STAU1: variants seen among roughly 807,000 people sequenced by gnomAD.
STAU1 encodes double-stranded RNA-binding protein Staufen homolog 1.
In STAU1, 13 loss-of-function variants were observed where a neutral mutation model predicts 62.9. The observed-to-expected ratio is 0.21, with a 90% CI of 0.13 to 0.33. The LOEUF (loss-of-function observed/expected upper bound fraction) is 0.33, where lower values mean the gene tolerates loss of function less well. Ranked by LOEUF, STAU1 falls within the 10% of genes least tolerant of loss-of-function variation. The pLI, the probability that STAU1 is intolerant of heterozygous loss-of-function variation, is 1.00. For missense variants in STAU1, 571 were observed against 712.1 expected (o/e 0.80, Z 2.25); for synonymous variants, 269 against 265.1 (o/e 1.01, Z -0.14).
intron 2 of STAU1, among the ~76,000 whole-genome samples, chr20:49,167,446 G>C (rs2093541365): frequency 6.6e-6 from 1 of 152,176 alleles, no homozygotes. Context: ...CTCTCTTACT[G>C]AGAGCAAAAA....
the STAU1 span, among the ~76,000 whole-genome samples, chr20:49,200,320 C>T: frequency 1.3e-5 from 2 of 152,140 alleles, no homozygotes; most frequent in Non-Finnish European, 2.9e-5. Context: ...CAGGAGCGGC[C>T]AGGTGCGGTG....
At chr20:49,119,812 G>A (rs1255727525) in intron 9 of STAU1, among the ~76,000 whole-genome samples, 170 bp downstream of exon 9, 2 of 152,080 alleles carry the variant, frequency 1.3e-5, no homozygotes, top group African/African-American at 4.8e-5. Context: ...GTGGACATGC[G>A]AGGCCCCTCT....
intron 5 of STAU1, among the ~76,000 whole-genome samples, chr20:49,139,953 A>G (rs947316509): frequency 6.6e-6 from 1 of 152,014 alleles, no homozygotes; most frequent in African/African-American, 2.4e-5. Context: ...TGGGAGGCCG[A>G]GGCAGGCGGA....
chr20:49,185,954 G>T (rs371971753), intron 1 of STAU1, among the ~76,000 whole-genome samples: 2 of 151,820 alleles, frequency 1.3e-5, no homozygotes, highest in African/African-American at 4.8e-5. Flanking sequence ...CGATTCTCCT[G>T]TCTCAGCCTC....
the STAU1 span, among the ~76,000 whole-genome samples, chr20:49,206,414 GTTTTTTTTTT>G: frequency 2.6e-5 from 2 of 76,598 alleles, no homozygotes; most frequent in Non-Finnish European, 4.7e-5. Context: ...CTTCCTTCTG[GTTTTTTTTTT>G]TTTTTTTTTT....
chr20:49,179,064 G>C (rs1343527139), intron 1 of STAU1: 1 of 143,460 alleles, frequency 7.0e-6, no homozygotes, highest in Admixed American at 7.0e-5. Context: ...CTGGGCGATA[G>C]AGCAAGACTC....
At chr20:49,128,817 A>G (rs1446269571) in intron 6 of STAU1, among the ~76,000 whole-genome samples, 1 of 151,450 alleles carries the variant, frequency 6.6e-6, no homozygotes, top group African/African-American at 2.4e-5. Context: ...CTTATGTCAC[A>G]GTATATATGA....
At chr20:49,157,377 T>C (rs2093376756) in intron 3 of STAU1, among the ~76,000 whole-genome samples, 1 of 152,000 alleles carries the variant, frequency 6.6e-6, no homozygotes, top group African/African-American at 2.4e-5. Flanking sequence ...GGAGCTCAAA[T>C]GGCACAATCA....
At chr20:49,197,627 C>A in the STAU1 span, among the ~76,000 whole-genome samples, 1 of 151,976 alleles carries the variant, frequency 6.6e-6, no homozygotes, top group East Asian at 1.9e-4. Context: ...GTCTCGAACT[C>A]CCGACCTCAC....
intron 6 of STAU1, among the ~76,000 whole-genome samples, chr20:49,130,591 T>TA (rs541566894): frequency 6.6e-6 from 1 of 151,952 alleles, no homozygotes; most frequent in Non-Finnish European, 1.5e-5. Context: ...ACTTTGGGTT[T>TA]AAAAAAAAGC....
chr20:49,154,734 C>T (rs1253896940), intron 3 of STAU1, among the ~76,000 whole-genome samples: 1 of 151,898 alleles, frequency 6.6e-6, no homozygotes, highest in African/African-American at 2.4e-5. Flanking sequence ...GGCATGGTGG[C>T]GGGTGCCTGC....
At chr20:49,151,418 G>A (rs2093246668) in intron 5 of STAU1, among the ~76,000 whole-genome samples, 164 bp downstream of exon 5, 1 of 152,186 alleles carries the variant, frequency 6.6e-6, no homozygotes, top group Non-Finnish European at 1.5e-5. Context: ...GAAAAAAGGA[G>A]TAAAAAGCAA....
chr20:49,197,080 G>T, the STAU1 span, among the ~76,000 whole-genome samples: 12 of 151,898 alleles, frequency 7.9e-5, 1 homozygote, highest in Middle Eastern at 6.8e-3. Flanking sequence ...GCTTGAACGC[G>T]GGAGGTGGAG....
intron 1 of STAU1, among the ~76,000 whole-genome samples, chr20:49,184,359 T>C (rs1291556799): frequency 6.6e-6 from 1 of 151,964 alleles, no homozygotes; most frequent in African/African-American, 2.4e-5. Context: ...CAGCTTAGGG[T>C]GCAAGGCCGG....
intron 6 of STAU1, among the ~76,000 whole-genome samples, chr20:49,131,398 T>C (rs2092745693): frequency 6.6e-6 from 1 of 152,212 alleles, no homozygotes. Context: ...AAATTTCCTC[T>C]ACTTAATAGA....
At chr20:49,148,412 C>A (rs1284725450) in intron 5 of STAU1, among the ~76,000 whole-genome samples, 2 of 152,168 alleles carry the variant, frequency 1.3e-5, no homozygotes, top group African/African-American at 4.8e-5. Flanking sequence ...CCCAAGATAT[C>A]CCATTACGTA....
intron 12 of STAU1, among the ~76,000 whole-genome samples, chr20:49,116,227 T>C (rs2092320767): frequency 6.6e-6 from 1 of 152,142 alleles, no homozygotes; most frequent in Non-Finnish European, 1.5e-5. Context: ...CTCAAACTCC[T>C]AGGCTCAAGC....
chr20:49,127,151 G>A (rs747905896), intron 6 of STAU1, among the ~76,000 whole-genome samples: 1 of 151,790 alleles, frequency 6.6e-6, no homozygotes, highest in Non-Finnish European at 1.5e-5. Context: ...TCAGGAGTTC[G>A]AGATCAGCCT....
intron 5 of STAU1, among the ~76,000 whole-genome samples, chr20:49,144,354 C>T (rs1056200993): frequency 6.6e-6 from 1 of 151,914 alleles, no homozygotes; most frequent in African/African-American, 2.4e-5. Flanking sequence ...ATGATGAAGT[C>T]CTTTCTGTTG....
Sources: gnomAD v4.1 joint callset for allele counts (sites outside exome capture counted in the v4.1 genomes callset) on GRCh38, gnomAD v4.1.1 for gene constraint, MANE v1.5 for transcripts, NCBI Gene and HGNC (gene_info 2026-07-23, HGNC 2026-07-21) for gene names.